NLRP4: variants seen among roughly 807,000 people sequenced by gnomAD.
The protein encoded by NLRP4 is NLR family pyrin domain containing 4.
In NLRP4, 44 loss-of-function variants were observed where a neutral mutation model predicts 84.7. The ratio of observed to expected loss-of-function variants is 0.52; its 90% confidence interval spans 0.41 to 0.67. The LOEUF is 0.67. Ranked by LOEUF, NLRP4 falls within the 30% of genes least tolerant of loss-of-function variation. The pLI, the probability that NLRP4 is intolerant of heterozygous loss-of-function variation, is 0.00. For missense variants in NLRP4, 1,260 were observed against 1,219.4 expected, an observed-to-expected ratio of 1.03 and a Z score of -0.50; for synonymous variants, 544 against 476.4, an observed-to-expected ratio of 1.14 and a Z score of -1.85.
intron 6 of NLRP4, among the ~76,000 whole-genome samples, chr19:55,869,353 G>C (rs1396460663): frequency 1.4e-5 from 2 of 147,560 alleles, no homozygotes; most frequent in Admixed American, 6.9e-5. Flanking sequence ...GAAAGAGCAA[G>C]ACTGTCTCAA....
chr19:55,880,364 C>T (rs567483156), intron 9 of NLRP4, among the ~76,000 whole-genome samples: 4 of 152,330 alleles, frequency 2.6e-5, no homozygotes, highest in East Asian at 1.9e-4. Context: ...CATTCTGAGT[C>T]ACGGAGGTCT....
At position 55,850,727 on chromosome 19, in the gene NLRP4, T is replaced by TCCCGAGGC. The variant is rs1568659248; in HGVS notation, c.-65-1289_-65-1288insCCCGAGGC. 5.2e-3 allele frequency among the ~76,000 whole-genome samples: 613 copies of TCCCGAGGC among 118,578 alleles called. 162 individuals are homozygous for TCCCGAGGC. Among genetic ancestry groups the TCCCGAGGC allele is most frequent in the East Asian group, 0.015 (56 of 3,854 alleles). The allele number at this position is 118,578 out of a possible 152,430, so 77.8% of individuals were successfully genotyped here. On this transcript the variant is annotated intron_variant, in intron 1 of 9. Transcript: ENST00000301295. ...GTACTTCCCGAGGCTGCGGTGTACT[T>TCCCGAGGC]TCCGAGGCTGCGGTGTACTTCCCGA...
At chr19:55,850,472 A>T (rs367779806) in intron 1 of NLRP4, among the ~76,000 whole-genome samples, 295 of 22,282 alleles carry the variant, frequency 0.013, no homozygotes, top group Non-Finnish European at 0.015. Context: ...GTAATTTCCG[A>T]GGCTGCGGTG....
At chr19:55,855,582 C>T (rs1984379565) in intron 2 of NLRP4, among the ~76,000 whole-genome samples, 1 of 152,244 alleles carries the variant, frequency 6.6e-6, no homozygotes, top group Non-Finnish European at 1.5e-5. Context: ...GGTAGCATTA[C>T]CTACTGTCAG....
chr19:55,852,461 A>T, intron 2 of NLRP4, 101 bp downstream of exon 2: 20 of 614,646 alleles, frequency 3.3e-5, no homozygotes, highest in Non-Finnish European at 5.3e-5. Context: ...TGAATGTGCT[A>T]TGGGAAAATA....
intron 2 of NLRP4, among the ~76,000 whole-genome samples, chr19:55,854,026 G>A (rs1485643157): frequency 6.6e-6 from 1 of 151,898 alleles, no homozygotes; most frequent in Admixed American, 6.6e-5. Context: ...CTGGAGTGCA[G>A]TGGTGCAATC....
Position 55,867,222 on chromosome 19 carries a change from C to T in NLRP4, c.2187-487C>T, listed in dbSNP as rs139274745. Among the ~76,000 whole-genome samples, 274 of 146,582 alleles carry T rather than the reference C, an allele frequency of 1.9e-3. 4 individuals are homozygous for T. The East Asian group carries it at 0.026, about 14-fold the overall frequency. ...TATCAGGTTGGCTGTCTCTGTACCC[C>T]GGAGGCCATAAGTCAAGCATGCATA... On this transcript the variant is annotated intron_variant, in intron 5 of 9. Transcript: ENST00000301295.
At chr19:55,880,822 A>C (rs1214254755) in intron 9 of NLRP4, among the ~76,000 whole-genome samples, 1 of 152,206 alleles carries the variant, frequency 6.6e-6, no homozygotes, top group East Asian at 1.9e-4. Flanking sequence ...TTGTGACCTT[A>C]ACATTGTTCT....
In NLRP4 at chr19:55,852,201, C is replaced by T. The variant is rs1984191399; in HGVS notation, c.121C>T (p.Gln41Ter). Residue 41 changes from glutamine to a stop codon, truncating the protein, a stop_gained, in exon 2 of 10, where the codon CAG becomes TAG. Transcript: ENST00000301295. LOFTEE classifies it high-confidence loss of function. Reference protein sequence around the residue: ...KQMTLQLELKQIPWTEVKKAS... With the variant: ...KQMTLQLELK The stretch of plus-strand genomic sequence containing the variant: ...AATGACTTTGCAGCTTGAACTCAAG[C>T]AGATTCCCTGGACTGAGGTCAAAAA... 6.2e-7 allele frequency: 1 copy of T among 1,608,394 alleles called. No homozygotes were observed. Among genetic ancestry groups the T allele is most frequent in the Non-Finnish European group, 8.5e-7 (1 of 1,178,640 alleles).
chr19:55,837,635 C>T lies in NLRP4; in HGVS notation c.-66+701C>T, dbSNP rs370180532. 3.9e-5 allele frequency among the ~76,000 whole-genome samples: 6 copies of T among 152,020 alleles called. No homozygotes were observed. The East Asian group carries it at 5.8e-4, about 15-fold the overall frequency. ...ACACACACACACACAAAGTCCTAAC[C>T]CCTTTATAGGGTGACAAAATAAGGT... On this transcript the variant is annotated intron_variant, in intron 1 of 9. Coordinates refer to ENST00000301295, the MANE Select transcript of NLRP4 (RefSeq NM_134444.5).
In NLRP4 at chr19:55,858,291, CG is replaced by C; in HGVS notation, c.902del (p.Gly301AspfsTer8). ...QVTISEIYQPRGFNESDRLVY... is the reference protein window; with the variant it reads ...QVTISEIYQPXGFNESDRLVY... ...GACGATCTCAGAAATCTACCAGCCC[CG>C]GGGATTCAACGAGAGTGATAGGTTA... is the stretch of plus-strand genomic sequence containing the variant. On this transcript the variant is annotated frameshift_variant, in exon 3 of 10. Transcript: ENST00000301295. LOFTEE classifies it high-confidence loss of function. This position sits in a 1 kb window ranked among gnomAD's most constrained non-coding sequence, Gnocchi z 4.2. 3 of 1,614,162 alleles carry C rather than the reference CG, an allele frequency of 1.9e-6. No individual in the cohort carries two copies. Among genetic ancestry groups the C allele is most frequent in the Non-Finnish European group, 2.5e-6 (3 of 1,180,032 alleles).
intron 2 of NLRP4, among the ~76,000 whole-genome samples, chr19:55,856,810 G>A (rs1383046915): frequency 1.3e-5 from 2 of 152,122 alleles, no homozygotes; most frequent in Non-Finnish European, 2.9e-5. Context: ...CACTGCCCCG[G>A]CCTGTTGTTG....
At position 55,860,307 on chromosome 19, in the gene NLRP4, C is replaced by T. The variant is rs189663222; in HGVS notation, c.1856+1058C>T. On this transcript the variant is annotated intron_variant, in intron 3 of 9. Transcript: ENST00000301295. Reference sequence around the variant, plus strand: ...GCCAAATCATATACATTTTAACTTACAGCTCATGCCTATAACCCCAACACT... The same window carrying T: ...GCCAAATCATATACATTTTAACTTATAGCTCATGCCTATAACCCCAACACT... 1.3e-3 allele frequency among the ~76,000 whole-genome samples: 203 copies of T among 152,258 alleles called. 1 individual carries two copies. The highest frequency in any genetic ancestry group is 4.8e-3 in the African/African-American group (198 of 41,564).
intron 2 of NLRP4, chr19:55,857,341 G>GTGTGTGTGTA: frequency 2.6e-6 from 1 of 383,756 alleles, no homozygotes; most frequent in Non-Finnish European, 4.6e-6. Flanking sequence ...GTGTGTGTGT[G>GTGTGTGTGTA]TGTGTGTGTG....
intron 2 of NLRP4, 88 bp downstream of exon 2, chr19:55,852,448 A>C: frequency 1.3e-6 from 1 of 768,156 alleles, no homozygotes; most frequent in Non-Finnish European, 2.1e-6. Context: ...CTACAACAGG[A>C]CCTGAATGTG....
intron 1 of NLRP4, among the ~76,000 whole-genome samples, chr19:55,849,797 C>G (rs1048054136): frequency 6.7e-6 from 1 of 149,500 alleles, no homozygotes; most frequent in Non-Finnish European, 1.5e-5. Context: ...TCCAAAGCTG[C>G]GGTGTAATTT....
Position 55,861,398 on chromosome 19 carries a change from C to A in NLRP4, c.1869C>A (p.Ser623Arg), listed in dbSNP as rs780240421. The change falls in exon 4 of 10, where the codon AGC becomes AGA. Residue 623 changes from serine to arginine, a missense_variant. Coordinates refer to ENST00000301295, the MANE Select transcript of NLRP4 (RefSeq NM_134444.5). ...EDEHSSTSDYSLICWHHICSV... is the reference protein window; with the variant it reads ...EDEHSSTSDYRLICWHHICSV... ...TTCTTGACCACAGGTCGGATTACAG[C>A]CTCATCTGTTGGCATCACATCTGCT... The A allele has an allele frequency of 6.2e-7, 1 of 1,613,674 alleles. No individual in the cohort carries two copies. Among genetic ancestry groups the A allele is most frequent in the South Asian group, 1.1e-5 (1 of 91,004 alleles).
chr19:55,853,906 T>A (rs1377816323), intron 2 of NLRP4, among the ~76,000 whole-genome samples: 1 of 135,178 alleles, frequency 7.4e-6, no homozygotes, highest in Non-Finnish European at 1.5e-5. Flanking sequence ...TCTCTCTCTC[T>A]TTCTCTTTCT....
chr19:55,861,577 A>G (rs986009742), intron 4 of NLRP4, 30 bp downstream of exon 4: 1 of 1,605,680 alleles, frequency 6.2e-7, no homozygotes, highest in Non-Finnish European at 8.5e-7. Flanking sequence ...CGACTCGAGT[A>G]TGTCACGGAG....
Sources: gnomAD v4.1 joint callset for allele counts (sites outside exome capture counted in the v4.1 genomes callset) on GRCh38, gnomAD v4.1.1 for gene constraint, Gnocchi (gnomAD v3.1) non-coding constraint, MANE v1.5 for transcripts, NCBI Gene and HGNC (gene_info 2026-07-23, HGNC 2026-07-21) for gene names.